NREP: variants seen among roughly 807,000 people sequenced by gnomAD.
The protein encoded by NREP is neuronal regeneration related protein.
Under a neutral mutation model 8.6 loss-of-function variants are expected in NREP, and 5 were observed. That is an observed-to-expected ratio of 0.58 (90% CI 0.30 to 1.22). NREP has a LOEUF of 1.22. Ranked by LOEUF, NREP falls within the 50% of genes most tolerant of loss-of-function variation. NREP has a pLI of 0.07. For missense variants in NREP, 86 were observed against 82.5 expected (o/e 1.04, Z -0.17); for synonymous variants, 27 against 28.0 (o/e 0.96, Z 0.11).
rs73225647 is a variant in NREP at position 111,953,101 on chromosome 5, C to T, written c.135+22173G>A. Among the ~76,000 whole-genome samples the T allele has an allele frequency of 4.7e-3, 709 of 152,086 alleles. 9 individuals carry two copies. Among genetic ancestry groups the T allele is most frequent in the South Asian group, 0.025 (119 of 4,812 alleles). ...TATGATTAGATATCTTACTAAGTAG[C>T]CCTCTTCTTCAACTTTCTCTCATGT... On this transcript the variant is annotated intron_variant, in intron 2 of 3. Transcript: ENST00000395634.
chr5:111,914,813 G>A (rs988932999), intron 2 of NREP, among the ~76,000 whole-genome samples: 1 of 152,040 alleles, frequency 6.6e-6, no homozygotes, highest in Non-Finnish European at 1.5e-5. Flanking sequence ...AAGGTTGAAC[G>A]TTTGTCTTAG....
At chr5:111,854,287 G>C (rs993875478) in intron 2 of NREP, among the ~76,000 whole-genome samples, 8 of 152,148 alleles carry the variant, frequency 5.3e-5, no homozygotes, top group Non-Finnish European at 8.8e-5. Context: ...TTCATGCTGA[G>C]AGTTATTAGA....
chr5:111,735,466 T>C lies in NREP; in HGVS notation c.45A>G (p.Pro15=). 6.2e-7 allele frequency: 1 copy of C among 1,613,366 alleles called. No homozygotes were observed. ...PELFVWVSQE[P]FPNKDMEGRL... ...TTCCCTCCATGTCCTTGTTTGGAAATGGTTCTTGACTGACCCAGACAAAGA... is the reference window on the plus strand; with the variant it reads ...TTCCCTCCATGTCCTTGTTTGGAAACGGTTCTTGACTGACCCAGACAAAGA... Residue 15 remains proline, a synonymous_variant, in exon 3 of 4, where the codon CCA becomes CCG. Coordinates refer to ENST00000257435, the MANE Select transcript of NREP (RefSeq NM_004772.4).
At chr5:111,958,664 T>C (rs1756395891) in intron 2 of NREP, among the ~76,000 whole-genome samples, 1 of 151,670 alleles carries the variant, frequency 6.6e-6, no homozygotes, top group African/African-American at 2.4e-5. Flanking sequence ...AATTAAATAA[T>C]TAGAAAAACA....
intron 2 of NREP, among the ~76,000 whole-genome samples, chr5:111,785,410 C>G (rs1421220678): frequency 1.3e-5 from 2 of 152,098 alleles, no homozygotes; most frequent in African/African-American, 4.8e-5. Context: ...TCCTGAGTAG[C>G]TGGGAGTACA....
intron 2 of NREP, among the ~76,000 whole-genome samples, chr5:111,883,604 A>C (rs1754148121): frequency 6.6e-6 from 1 of 152,206 alleles, no homozygotes; most frequent in African/African-American, 2.4e-5. Flanking sequence ...GTAAAAGATC[A>C]CACATTATAA....
At chr5:111,838,514 G>C (rs1044427448) in intron 2 of NREP, among the ~76,000 whole-genome samples, 2 of 152,066 alleles carry the variant, frequency 1.3e-5, no homozygotes, top group African/African-American at 4.8e-5. Context: ...CCTTGATAAT[G>C]TGTGGGCCTT....
intron 2 of NREP, among the ~76,000 whole-genome samples, chr5:111,843,829 G>A (rs141335996): frequency 3.9e-5 from 6 of 152,294 alleles, no homozygotes; most frequent in Non-Finnish European, 7.3e-5. Flanking sequence ...CCACTGAGGC[G>A]TATCTGGAAT....
chr5:111,850,810 T>G (rs1215472610), intron 2 of NREP, among the ~76,000 whole-genome samples: 1 of 152,190 alleles, frequency 6.6e-6, no homozygotes, highest in Non-Finnish European at 1.5e-5. Context: ...GTGTCTAGGT[T>G]TGATCACACC....
intron 2 of NREP, among the ~76,000 whole-genome samples, chr5:111,887,864 G>A (rs1754299686): frequency 6.6e-6 from 1 of 152,134 alleles, no homozygotes; most frequent in Admixed American, 6.5e-5. Context: ...ACTTCCCACA[G>A]CCACCTAGTT....
At chr5:111,884,065 A>G (rs1004798841) in intron 2 of NREP, among the ~76,000 whole-genome samples, 2 of 152,224 alleles carry the variant, frequency 1.3e-5, no homozygotes, top group Non-Finnish European at 1.5e-5. Flanking sequence ...AACAAAACTG[A>G]TAGACCACTA....
intron 2 of NREP, among the ~76,000 whole-genome samples, chr5:111,882,471 T>C (rs1196245532): frequency 1.3e-5 from 2 of 152,032 alleles, no homozygotes; most frequent in Non-Finnish European, 2.9e-5. Context: ...ATGCAGGAAA[T>C]ACAGAGAACG....
At chr5:111,825,310 T>C (rs1752597435) in intron 2 of NREP, among the ~76,000 whole-genome samples, 1 of 152,230 alleles carries the variant, frequency 6.6e-6, no homozygotes, top group Admixed American at 6.5e-5. Context: ...TTTCTACCTC[T>C]AGTCTTCAGT....
intron 2 of NREP, among the ~76,000 whole-genome samples, chr5:111,797,127 C>T (rs1292775171): frequency 6.6e-6 from 1 of 151,920 alleles, no homozygotes; most frequent in East Asian, 1.9e-4. Flanking sequence ...AAAAACATCA[C>T]TGGTAGCAAA....
chr5:111,921,085 T>C (rs914453923), intron 2 of NREP, among the ~76,000 whole-genome samples: 1 of 152,150 alleles, frequency 6.6e-6, no homozygotes, highest in Admixed American at 6.6e-5. Context: ...CGCTTTTTGT[T>C]AGAAGGGAAT....
At chr5:111,857,177 C>A (rs760511969) in intron 2 of NREP, among the ~76,000 whole-genome samples, 1 of 152,218 alleles carries the variant, frequency 6.6e-6, no homozygotes, top group Non-Finnish European at 1.5e-5. Context: ...CTGGGAGTGC[C>A]GAGAGGAAGC....
At chr5:111,908,940 T>C (rs575549121) in intron 2 of NREP, among the ~76,000 whole-genome samples, 5 of 152,196 alleles carry the variant, frequency 3.3e-5, no homozygotes, top group South Asian at 4.1e-4. Context: ...TGAGTTGGTA[T>C]CTCACTGTGG....
chr5:111,826,596 G>A (rs1752634254), intron 2 of NREP, among the ~76,000 whole-genome samples: 1 of 152,188 alleles, frequency 6.6e-6, no homozygotes, highest in African/African-American at 2.4e-5. Context: ...GCAGGGGTCC[G>A]TGGCTTCATT....
chr5:111,893,238 C>G (rs890099337), intron 2 of NREP, among the ~76,000 whole-genome samples: 8 of 152,148 alleles, frequency 5.3e-5, no homozygotes, highest in African/African-American at 1.9e-4. Context: ...AACTACCATA[C>G]AAACAGTTCA....
Sources: allele counts gnomAD v4.1 joint callset (sites outside exome capture counted in the v4.1 genomes callset), GRCh38; gene constraint gnomAD v4.1.1; transcripts MANE v1.5; gene names NCBI Gene and HGNC (gene_info 2026-07-23, HGNC 2026-07-21).